ABCC10: variants seen among roughly 807,000 people sequenced by gnomAD.
ABCC10 encodes ATP-binding cassette sub-family C member 10.
ABCC10 carries 110 observed loss-of-function variants against 143.2 expected under a neutral mutation model. That is an observed-to-expected ratio of 0.77 (90% confidence interval 0.66 to 0.90). The LOEUF (loss-of-function observed/expected upper bound fraction) is 0.90, where lower values mean the gene tolerates loss of function less well. Among genes scored for constraint, ABCC10 ranks in the 40% least tolerant of loss-of-function variants. ABCC10 has a pLI of 0.00. For synonymous variants in ABCC10, 805 were observed against 846.7 expected (o/e 0.95, Z 0.85); for missense variants, 1,700 against 1,900.5 (o/e 0.89, Z 1.96).
In ABCC10 at chr6:43,447,428, C is replaced by A. The variant is rs374589945; in HGVS notation, c.3705+20C>A. 4.3e-6 allele frequency: 7 copies of A among 1,610,038 alleles called. No homozygotes were observed. In the African/African-American group the frequency reaches 6.7e-5, roughly 15 times the overall value. On this transcript the variant is annotated intron_variant, in intron 17 of 21. Coordinates refer to ENST00000372530, the MANE Select transcript of ABCC10 (RefSeq NM_001198934.2). ...CTGCAGGTGGGCCTGTACCCCCACC[C>A]CAGGCCAAAGCTCTGGAACCCTGAA...
chr6:43,438,180 G>C, intron 7 of ABCC10, 167 bp downstream of exon 7: 1 of 939,098 alleles, frequency 1.1e-6, no homozygotes, highest in Non-Finnish European at 1.6e-6. Flanking sequence ...GGCCAAGAAA[G>C]CGAATCATTG....
Position 43,445,661 on chromosome 6 carries a change from T to C in ABCC10, c.3093T>C (p.Asp1031=). The C allele has an allele frequency of 6.2e-7, 1 of 1,614,208 alleles. No homozygotes were observed. Among genetic ancestry groups the C allele is most frequent in the Non-Finnish European group, 8.5e-7 (1 of 1,180,042 alleles). ...GGATCCTAAACCGCTTCTCCTCTGA[T>C]GTGGCCTGTGCGGATGACAGCCTGC... is the stretch of plus-strand genomic sequence containing the variant. ...TGRILNRFSS[D]VACADDSLPF... The change falls in exon 15 of 22, where the codon GAT becomes GAC. Residue 1031 remains aspartate (D), a synonymous_variant. Coordinates refer to ENST00000372530, the MANE Select transcript of ABCC10 (RefSeq NM_001198934.2).
At chr6:43,447,624 C>G (rs767487518) in intron 17 of ABCC10, 60 bp from the exon 18 acceptor site, 260 of 1,600,110 alleles carry the variant, frequency 1.6e-4, no homozygotes, top group Non-Finnish European at 2.2e-4. Flanking sequence ...TCCTCACCAT[C>G]GCTCCTCATC....
intron 16 of ABCC10, 22 bp downstream of exon 16, chr6:43,446,468 C>T: frequency 1.3e-6 from 2 of 1,599,840 alleles, no homozygotes; most frequent in Non-Finnish European, 1.7e-6. Context: ...GACCCCTCAC[C>T]CCTACCTCAT....
intron 5 of ABCC10, 102 bp downstream of exon 5, chr6:43,436,009 G>A (rs1052267492): frequency 1.1e-5 from 18 of 1,597,546 alleles, no homozygotes; most frequent in South Asian, 3.3e-5. Context: ...TAGAGAGAGC[G>A]GAATCCAAAA....
At position 43,428,056 on chromosome 6, in the gene ABCC10, C is replaced by G; in HGVS notation, c.78C>G (p.Gly26=). The G allele has an allele frequency of 6.3e-7, 1 of 1,592,642 alleles. No individual in the cohort carries two copies. The highest frequency in any genetic ancestry group is 8.5e-7 in the Non-Finnish European group (1 of 1,170,652). The change falls in exon 2 of 22, where the codon GGC becomes GGG. Residue 26 remains glycine, a synonymous_variant. Coordinates refer to ENST00000372530, the MANE Select transcript of ABCC10 (RefSeq NM_001198934.2). Reference sequence around the variant, plus strand: ...CGCTGTGGGAGGGGGACACCACAGGCCACTGCTTCACCCAGCTGGTGCTCA... The same window carrying G: ...CGCTGTGGGAGGGGGACACCACAGGGCACTGCTTCACCCAGCTGGTGCTCA... ...PLPLWEGDTT[G]HCFTQLVLSA...
intron 6 of ABCC10, among the ~76,000 whole-genome samples, chr6:43,437,456 A>C (rs1363552847): frequency 7.0e-6 from 1 of 142,232 alleles, no homozygotes; most frequent in African/African-American, 2.5e-5. Context: ...AAAAAAAAAA[A>C]AGGTAAACAG....
chr6:43,442,893 T>G, intron 9 of ABCC10, 77 bp from the exon 10 acceptor site: 1 of 1,337,098 alleles, frequency 7.5e-7, no homozygotes, highest in Non-Finnish European at 1.0e-6. Context: ...CTCTCAACTG[T>G]CTTCTCTGAT....
chr6:43,433,258 T>A lies in ABCC10; in HGVS notation c.1278T>A (p.Gly426=), dbSNP rs775046573. The change falls in exon 3 of 22, where the codon GGT becomes GGA. Residue 426 remains glycine (G), a synonymous_variant. Transcript: ENST00000372530. ...YQQVGVAFVG[G]LILALLLVPV... The stretch of plus-strand genomic sequence containing the variant: ...AGGTAGGCGTGGCCTTCGTGGGTGG[T>A]CTCATCTTGGCACTGCTGCTGGTAC... The A allele has an allele frequency of 7.4e-6, 12 of 1,614,132 alleles. No individual in the cohort carries two copies. The Admixed American group carries it at 2.0e-4, about 27-fold the overall frequency.
At position 43,445,162 on chromosome 6, in the gene ABCC10, G is replaced by A. The variant is rs753630961; in HGVS notation, c.2878G>A (p.Gly960Ser). 6.2e-7 allele frequency: 1 copy of A among 1,613,992 alleles called. No individual in the cohort carries two copies. Residue 960 changes from glycine to serine, a missense_variant, in exon 14 of 22, where the codon GGC becomes AGC. By Grantham distance (56) the Gly-to-Ser change is moderately conservative. Coordinates refer to ENST00000372530, the MANE Select transcript of ABCC10 (RefSeq NM_001198934.2). Reference protein sequence around the residue: ...VFPLPKAAPNGSSDIRFYLTV... With the variant: ...VFPLPKAAPNSSSDIRFYLTV... ...CCCACTGCCCAAAGCTGCCCCCAAT[G>A]GCTCCTCAGACATCCGTTTCTACCT...
intron 7 of ABCC10, chr6:43,438,248 T>TC (rs1188880849): frequency 4.6e-5 from 48 of 1,035,370 alleles, no homozygotes; most frequent in Non-Finnish European, 6.5e-5. Flanking sequence ...AATGGAAACA[T>TC]CCAGTGTCAG....
At position 43,432,369 on chromosome 6, in the gene ABCC10, C is replaced by G. The variant is rs1381981656; in HGVS notation, c.389C>G (p.Ser130Cys). The stretch of plus-strand genomic sequence containing the variant: ...TTGGCACATTCCCCTCATGGCCACT[C>G]CCGGGGTCCCTTGGCCTTGGCCCTG... The part of the protein sequence containing the change: ...WVLAHSPHGH[S>C]RGPLALALVA... Residue 130 changes from serine (S) to cysteine (C), a missense_variant, in exon 3 of 22, where the codon TCC (serine) becomes TGC (cysteine). Physicochemically the swap from Ser to Cys is moderately radical, Grantham distance 112 (BLOSUM62 -1). Transcript: ENST00000372530. 3.7e-6 allele frequency: 6 copies of G among 1,613,344 alleles called. No individual in the cohort carries two copies. Among genetic ancestry groups the G allele is most frequent in the East Asian group, 2.2e-5 (1 of 44,890 alleles).
Position 43,445,866 on chromosome 6 carries a change from C to T in ABCC10, c.3298C>T (p.Leu1100=), listed in dbSNP as rs766690202. The T allele has an allele frequency of 3.1e-6, 5 of 1,614,154 alleles. No individual in the cohort carries two copies. The South Asian group carries it at 5.5e-5, about 18-fold the overall frequency. ...GCTGCGGCGCCTGGGCAGCCTCACC[C>T]TGTCTCCACTGTATAGCCATCTGGC... The part of the protein sequence containing the change: ...RELRRLGSLT[L]SPLYSHLADT... Residue 1100 remains leucine (L), a synonymous_variant, in exon 15 of 22, where the codon CTG becomes TTG. Coordinates refer to ENST00000372530, the MANE Select transcript of ABCC10 (RefSeq NM_001198934.2).
chr6:43,437,970 G>C lies in ABCC10; in HGVS notation c.1912G>C (p.Gly638Arg). The C allele has an allele frequency of 6.2e-7, 1 of 1,613,382 alleles. No homozygotes were observed. The highest frequency in any genetic ancestry group is 2.2e-5 in the East Asian group (1 of 44,876). Residue 638 changes from glycine to arginine, a missense_variant, in exon 7 of 22, where the codon GGG (glycine) becomes CGG (arginine). Gly to Arg is a moderately radical substitution (Grantham distance 125). Coordinates refer to ENST00000372530, the MANE Select transcript of ABCC10 (RefSeq NM_001198934.2). Reference sequence around the variant, plus strand: ...GGGCATCGTGGGGAAGGTCGGCTGTGGGAAGAGCTCCCTGCTGGCTGCCAT... The same window carrying C: ...GGGCATCGTGGGGAAGGTCGGCTGTCGGAAGAGCTCCCTGCTGGCTGCCAT... Reference protein sequence around the residue: ...LVGIVGKVGCGKSSLLAAIAG... With the variant: ...LVGIVGKVGCRKSSLLAAIAG...
In ABCC10 at chr6:43,443,723, T is replaced by C. The variant is rs1454111287; in HGVS notation, c.2417-210T>C. ...GGAATCAAGGTTTACAAGGATGGACTTGAGTCCTGCTCGAGGTCTAGGGGT... is the reference window on the plus strand; with the variant it reads ...GGAATCAAGGTTTACAAGGATGGACCTGAGTCCTGCTCGAGGTCTAGGGGT... On this transcript the variant is annotated intron_variant, in intron 10 of 21. Transcript: ENST00000372530. This position sits in a 1 kb window ranked among gnomAD's most constrained non-coding sequence, Gnocchi z 4.2. 1.8e-6 allele frequency: 1 copy of C among 554,566 alleles called. No individual in the cohort carries two copies. The highest frequency in any genetic ancestry group is 3.2e-6 in the Non-Finnish European group (1 of 307,746). The allele number at this position is 554,566 out of a possible 1,614,324, so 34.4% of individuals were successfully genotyped here.
chr6:43,451,253 C>T, downstream of ABCC10: 5 of 1,613,944 alleles, frequency 3.1e-6, no homozygotes, highest in Non-Finnish European at 4.2e-6. This position sits in a 1 kb window ranked among gnomAD's most constrained non-coding sequence, Gnocchi z 4.4. Flanking sequence ...CCTGGCACTG[C>T]CCGCCATTGC....
chr6:43,444,477 C>A, intron 12 of ABCC10, 124 bp downstream of exon 12: 2 of 1,250,464 alleles, frequency 1.6e-6, no homozygotes, highest in Non-Finnish European at 2.2e-6. Flanking sequence ...GGGACAAAAG[C>A]CATACTCCTA....
rs199730495 is a variant in ABCC10 at position 43,442,949 on chromosome 6, G to A, written c.2227-21G>A. 355 of 1,546,952 alleles carry A rather than the reference G, an allele frequency of 2.3e-4. 1 individual carries two copies. Among genetic ancestry groups the A allele is most frequent in the East Asian group, 1.6e-3 (69 of 43,888 alleles). ...AGAGCCTTTGGGTCCTGGTGCCCACGGTACCCTCACGTCTCCATAGGAAAA... is the reference window on the plus strand; with the variant it reads ...AGAGCCTTTGGGTCCTGGTGCCCACAGTACCCTCACGTCTCCATAGGAAAA... On this transcript the variant is annotated intron_variant, in intron 9 of 21. Transcript: ENST00000372530.
At position 43,427,621 on chromosome 6, in the gene ABCC10, C is replaced by T. The variant is rs1267006870; in HGVS notation, c.-148C>T. On this transcript the variant is annotated 5_prime_UTR_variant, in exon 1 of 22. Coordinates refer to ENST00000372530, the MANE Select transcript of ABCC10 (RefSeq NM_001198934.2). The stretch of plus-strand genomic sequence containing the variant: ...GCCAGCCGGGGCGGGCCCAGCACCC[C>T]GGCCGGGCAGTACTTTTTTTTTTTT... 6 of 345,078 alleles carry T rather than the reference C, an allele frequency of 1.7e-5. No individual in the cohort carries two copies. Among genetic ancestry groups the T allele is most frequent in the Admixed American group, 4.7e-5 (1 of 21,384 alleles). The allele number at this position is 345,078 out of a possible 1,614,324, so 21.4% of individuals were successfully genotyped here. A position where few individuals can be genotyped will look rare whatever the true frequency, so the allele number is the denominator to read the frequency against.
Sources: gnomAD v4.1 joint callset for allele counts (sites outside exome capture counted in the v4.1 genomes callset) on GRCh38, gnomAD v4.1.1 for gene constraint, Gnocchi (gnomAD v3.1) non-coding constraint, MANE v1.5 for transcripts, NCBI Gene and HGNC (gene_info 2026-07-23, HGNC 2026-07-21) for gene names.